Variants in PID1 observed in about 807,000 individuals in gnomAD.
The protein encoded by PID1 is phosphotyrosine interaction domain containing 1.
A neutral mutation model predicts 19.1 loss-of-function variants in PID1; 10 were observed. The observed-to-expected ratio is 0.52, with a 90% CI of 0.32 to 0.89. The LOEUF is 0.89. Ranked by LOEUF, PID1 falls within the 40% of genes least tolerant of loss-of-function variation. The pLI is 0.03. For missense variants in PID1, 248 were observed against 285.3 expected (o/e 0.87, Z 0.94); for synonymous variants, 130 against 116.0 (o/e 1.12, Z -0.78).
At chr2:229,030,648 A>T (rs774312408) in intron 2 of PID1, among the ~76,000 whole-genome samples, 9 of 152,194 alleles carry the variant, frequency 5.9e-5, no homozygotes, top group East Asian at 1.9e-4. Flanking sequence ...GACATAATTT[A>T]AAAATACTTC....
intron 2 of PID1, among the ~76,000 whole-genome samples, chr2:229,107,708 C>T (rs901255605): frequency 6.6e-6 from 1 of 152,100 alleles, no homozygotes; most frequent in Non-Finnish European, 1.5e-5. Context: ...AATAATTTGG[C>T]TTTAAAGTCT....
intron 1 of PID1, among the ~76,000 whole-genome samples, chr2:229,209,863 G>T (rs938700671): frequency 6.6e-6 from 1 of 152,042 alleles, no homozygotes; most frequent in Non-Finnish European, 1.5e-5. Flanking sequence ...CAGAAATTCT[G>T]ATCTTCCAGA....
intron 1 of PID1, among the ~76,000 whole-genome samples, chr2:229,185,089 A>ATCCTATATATATCCTATATATATC: frequency 6.8e-6 from 1 of 147,360 alleles, no homozygotes; most frequent in South Asian, 2.1e-4. Flanking sequence ...CTACATATAT[A>ATCCTATATATATCCTATATATATC]TCCTATATAT....
chr2:229,067,381 G>A (rs183380023), intron 2 of PID1, among the ~76,000 whole-genome samples: 29 of 152,176 alleles, frequency 1.9e-4, no homozygotes, highest in South Asian at 4.1e-4. Flanking sequence ...ATGAAAAGCC[G>A]GAAAGGATTA....
chr2:229,161,985 T>C (rs1179248236), intron 1 of PID1, among the ~76,000 whole-genome samples: 1 of 152,184 alleles, frequency 6.6e-6, no homozygotes, highest in Non-Finnish European at 1.5e-5. Context: ...GAAATAGCAT[T>C]ATAAAAAGGC....
chr2:229,054,286 C>T (rs970195996), intron 2 of PID1, among the ~76,000 whole-genome samples: 2 of 152,110 alleles, frequency 1.3e-5, no homozygotes, highest in Non-Finnish European at 2.9e-5. Flanking sequence ...TAAAGCTTGG[C>T]TGAAGGAAGA....
intron 2 of PID1, among the ~76,000 whole-genome samples, chr2:229,092,940 T>C (rs944634308): frequency 6.6e-6 from 1 of 152,144 alleles, no homozygotes; most frequent in Non-Finnish European, 1.5e-5. Flanking sequence ...ACCTGATTCA[T>C]GCTCCAATCC....
intron 2 of PID1, among the ~76,000 whole-genome samples, chr2:229,144,597 T>C (rs756328229): frequency 9.2e-5 from 14 of 152,124 alleles, no homozygotes; most frequent in Non-Finnish European, 1.2e-4. Context: ...CAGAAGTAAC[T>C]ATACTAGCAA....
intron 2 of PID1, among the ~76,000 whole-genome samples, chr2:229,117,718 A>T (rs1022498342): frequency 3.3e-5 from 5 of 152,090 alleles, no homozygotes; most frequent in African/African-American, 1.2e-4. Context: ...TTTCTCAAAC[A>T]TGACAAGATC....
intron 1 of PID1, among the ~76,000 whole-genome samples, chr2:229,191,251 C>T (rs771119667): frequency 1.6e-4 from 24 of 152,048 alleles, no homozygotes; most frequent in African/African-American, 5.6e-4. Context: ...GAGGGCAAAT[C>T]GCCACCGATG....
At chr2:229,267,019 A>C (rs1027883535) in intron 1 of PID1, among the ~76,000 whole-genome samples, 3 of 151,958 alleles carry the variant, frequency 2.0e-5, no homozygotes, top group African/African-American at 7.3e-5. Context: ...ATCATAGAGA[A>C]GAAAAATCTA....
chr2:229,095,338 G>C (rs986149916), intron 2 of PID1, among the ~76,000 whole-genome samples: 12 of 152,086 alleles, frequency 7.9e-5, no homozygotes, highest in Non-Finnish European at 1.5e-4. Flanking sequence ...TGACCACTGA[G>C]GTTTATAGGT....
At chr2:229,056,624 T>TATATAC (rs1265791795) in intron 2 of PID1, among the ~76,000 whole-genome samples, 1 of 150,180 alleles carries the variant, frequency 6.7e-6, no homozygotes, top group Non-Finnish European at 1.5e-5. Flanking sequence ...TATATATATA[T>TATATAC]ATATTTCTCT....
intron 2 of PID1, among the ~76,000 whole-genome samples, chr2:229,074,196 T>C (rs563118494): frequency 1.1e-3 from 171 of 152,302 alleles, no homozygotes; most frequent in African/African-American, 3.8e-3. Flanking sequence ...CCACAATCTG[T>C]TCCGTTAATG....
chr2:229,060,603 C>G (rs752094820), intron 2 of PID1, among the ~76,000 whole-genome samples: 1 of 152,020 alleles, frequency 6.6e-6, no homozygotes, highest in East Asian at 1.9e-4. Context: ...CTCTTTCGCA[C>G]CTTGATTCCA....
At chr2:229,059,213 A>C (rs1421212165) in intron 2 of PID1, among the ~76,000 whole-genome samples, 1 of 152,184 alleles carries the variant, frequency 6.6e-6, no homozygotes, top group East Asian at 1.9e-4. Context: ...TGTGTGGCTG[A>C]GTTAGTTAAA....
At position 229,067,568 on chromosome 2, in the gene PID1, A is replaced by T. The variant is rs1366218568; in HGVS notation, c.178-41460T>A. On this transcript the variant is annotated intron_variant, in intron 2 of 2. Transcript: ENST00000392055. ...GCCCTCAATGCCCATCCCCTGGAGG[A>T]TGGCCATGCTGTTCTAACTGGTCAC... Among the ~76,000 whole-genome samples, 3 of 151,966 alleles carry T rather than the reference A, an allele frequency of 2.0e-5. No individual in the cohort carries two copies. In the East Asian group the frequency reaches 5.8e-4, roughly 29 times the overall value.
At chr2:229,173,990 G>GGA (rs1358424820) in intron 1 of PID1, among the ~76,000 whole-genome samples, 1 of 152,164 alleles carries the variant, frequency 6.6e-6, no homozygotes, top group Non-Finnish European at 1.5e-5. Context: ...GAGCTAACTA[G>GGA]GAGAGAGCAC....
In PID1 at chr2:229,265,247, G is replaced by C. The variant is rs148405855; in HGVS notation, c.30+5767C>G. On this transcript the variant is annotated intron_variant, in intron 1 of 2. Transcript: ENST00000392055. Reference sequence around the variant, plus strand: ...GTAAGAACTCGGTTGAAACATAAGAGGGCAGAGGAATCCTGGGCCATCAGG... The same window carrying C: ...GTAAGAACTCGGTTGAAACATAAGACGGCAGAGGAATCCTGGGCCATCAGG... Among the ~76,000 whole-genome samples, 56 of 152,288 alleles carry C rather than the reference G, an allele frequency of 3.7e-4. No individual in the cohort carries two copies. In the Middle Eastern group the frequency reaches 0.01, roughly 28 times the overall value.
Sources: allele counts gnomAD v4.1 joint callset (sites outside exome capture counted in the v4.1 genomes callset), GRCh38; gene constraint gnomAD v4.1.1; transcripts MANE v1.5; gene names NCBI Gene and HGNC (gene_info 2026-07-23, HGNC 2026-07-21).